SCUBE1: variants seen among roughly 807,000 people sequenced by gnomAD.
SCUBE1 encodes the protein signal peptide, CUB and EGF-like domain-containing protein 1.
SCUBE1 carries 59 observed loss-of-function variants against 124.4 expected under a neutral mutation model. The observed-to-expected ratio is 0.47, with a 90% confidence interval of 0.38 to 0.59. SCUBE1 has a LOEUF of 0.59. Among genes scored for constraint, SCUBE1 ranks in the 20% least tolerant of loss-of-function variants. The pLI is 0.00. For missense variants in SCUBE1, 1,150 were observed against 1,371.2 expected, an observed-to-expected ratio of 0.84 and a Z score of 2.55; for synonymous variants, 545 against 550.9, an observed-to-expected ratio of 0.99 and a Z score of 0.15.
At chr22:43,244,418 G>A (rs561913028) in intron 6 of SCUBE1, among the ~76,000 whole-genome samples, 1 of 152,370 alleles carries the variant, frequency 6.6e-6, no homozygotes, top group South Asian at 2.1e-4. Context: ...CTAATGAGTT[G>A]TGCTCAATGA....
At position 43,306,532 on chromosome 22, in the gene SCUBE1, G is replaced by A. The variant is rs535528812; in HGVS notation, c.349+13405C>T. On this transcript the variant is annotated intron_variant, in intron 3 of 21. Coordinates refer to ENST00000360835, the MANE Select transcript of SCUBE1 (RefSeq NM_173050.5). ...AACAGATTTCAATCCAGTGGAGGGAGGATGGGATCACGAACACACACTCCT... is the reference window on the plus strand; with the variant it reads ...AACAGATTTCAATCCAGTGGAGGGAAGATGGGATCACGAACACACACTCCT... Among the ~76,000 whole-genome samples the A allele has an allele frequency of 2.6e-5, 4 of 152,242 alleles. No homozygotes were observed. The South Asian group carries it at 6.2e-4, about 24-fold the overall frequency.
intron 10 of SCUBE1, among the ~76,000 whole-genome samples, chr22:43,226,271 CTGG>C (rs1406745011): frequency 2.0e-5 from 3 of 152,162 alleles, no homozygotes; most frequent in Non-Finnish European, 4.4e-5. Flanking sequence ...CACATTACTT[CTGG>C]TGGCTGGGAG....
intron 4 of SCUBE1, among the ~76,000 whole-genome samples, chr22:43,284,761 A>G (rs1076946): frequency 0.57 from 85,826 of 151,408 alleles, 24,724 homozygotes; most frequent in African/African-American, 0.61. Context: ...CATCATCGTC[A>G]TCGTCGTCGT....
chr22:43,332,550 C>T (rs1463521194), intron 2 of SCUBE1, among the ~76,000 whole-genome samples: 1 of 152,118 alleles, frequency 6.6e-6, no homozygotes, highest in Non-Finnish European at 1.5e-5. Flanking sequence ...ATGCTGGGAC[C>T]CCTTGGCTGG....
chr22:43,250,554 A>C (rs1466085647), intron 6 of SCUBE1, among the ~76,000 whole-genome samples: 1 of 152,204 alleles, frequency 6.6e-6, no homozygotes, highest in East Asian at 1.9e-4. Flanking sequence ...ATATCGGACA[A>C]GGTGGAGCAG....
chr22:43,205,403 A>T (rs1344337134), intron 21 of SCUBE1, among the ~76,000 whole-genome samples: 1 of 151,956 alleles, frequency 6.6e-6, no homozygotes, highest in Non-Finnish European at 1.5e-5. Flanking sequence ...GGCCTGGCGG[A>T]GGTCTGGTTC....
intron 4 of SCUBE1, among the ~76,000 whole-genome samples, chr22:43,275,779 A>T (rs934263093): frequency 1.3e-5 from 2 of 152,242 alleles, no homozygotes; most frequent in African/African-American, 4.8e-5. Flanking sequence ...AGGGAGAACA[A>T]CAGGCAGATG....
At chr22:43,268,856 T>C (rs1924178246) in intron 4 of SCUBE1, among the ~76,000 whole-genome samples, 2 of 152,006 alleles carry the variant, frequency 1.3e-5, no homozygotes, top group African/African-American at 2.4e-5. Context: ...GGAGGCTGTG[T>C]GGAATATGCC....
At chr22:43,260,827 G>A (rs374091395) in intron 5 of SCUBE1, among the ~76,000 whole-genome samples, 1 of 152,164 alleles carries the variant, frequency 6.6e-6, no homozygotes. Context: ...TGAGGGTTGT[G>A]GGGGGTGTCC....
At chr22:43,275,068 G>A (rs988670698) in intron 4 of SCUBE1, among the ~76,000 whole-genome samples, 9 of 152,234 alleles carry the variant, frequency 5.9e-5, no homozygotes, top group Non-Finnish European at 1.2e-4. Context: ...GGGGGCACAG[G>A]AGTCAGGCGC....
intron 2 of SCUBE1, among the ~76,000 whole-genome samples, chr22:43,336,177 G>A (rs866854779): frequency 4.6e-5 from 7 of 152,016 alleles, no homozygotes; most frequent in South Asian, 2.1e-4. Flanking sequence ...TTTTTGGCCC[G>A]CACAACCAAA....
chr22:43,286,272 C>T (rs57314247), intron 4 of SCUBE1, among the ~76,000 whole-genome samples: 4 of 152,368 alleles, frequency 2.6e-5, no homozygotes, highest in South Asian at 2.1e-4. Context: ...CTCAAGGTCA[C>T]GAGATGGTCC....
At position 43,343,324 on chromosome 22, in the gene SCUBE1, G is replaced by C; in HGVS notation, c.-63C>G. The stretch of plus-strand genomic sequence containing the variant: ...GGCGCGGGGACCCGACCGACCGGCC[G>C]CTCCCGCAGGCGCTGCTCGCTGCTC... On this transcript the variant is annotated 5_prime_UTR_variant, in exon 1 of 22. Coordinates refer to ENST00000360835, the MANE Select transcript of SCUBE1 (RefSeq NM_173050.5). The C allele has an allele frequency of 1.3e-6, 1 of 799,888 alleles. No individual in the cohort carries two copies. The highest frequency in any genetic ancestry group is 1.6e-6 in the Non-Finnish European group (1 of 644,150). The allele number at this position is 799,888 out of a possible 1,614,324, so 49.5% of individuals were successfully genotyped here. A position where few individuals can be genotyped will look rare whatever the true frequency, so the allele number is the denominator to read the frequency against.
rs545823011 is a variant in SCUBE1, at chr22:43,334,477, A to C, written c.220+4627T>G. Among the ~76,000 whole-genome samples, 13 of 152,356 alleles carry C rather than the reference A, an allele frequency of 8.5e-5. No homozygotes were observed. The South Asian group carries it at 2.7e-3, about 32-fold the overall frequency. ...TTAGTTCTTTCACATCTTGAACAACACTGTGATCATTGACATCAACATAGT... is the reference window on the plus strand; with the variant it reads ...TTAGTTCTTTCACATCTTGAACAACCCTGTGATCATTGACATCAACATAGT... On this transcript the variant is annotated intron_variant, in intron 2 of 21. Coordinates refer to ENST00000360835, the MANE Select transcript of SCUBE1 (RefSeq NM_173050.5).
At chr22:43,300,628 TAGACCCTTACC>T (rs1925735876) in intron 3 of SCUBE1, among the ~76,000 whole-genome samples, 1 of 152,146 alleles carries the variant, frequency 6.6e-6, no homozygotes, top group Admixed American at 6.5e-5. Flanking sequence ...TCCTGGATAC[TAGACCCTTACC>T]AGATATATGA....
intron 3 of SCUBE1, among the ~76,000 whole-genome samples, chr22:43,295,499 ACCG>A (rs1322678733): frequency 6.6e-6 from 1 of 150,480 alleles, no homozygotes; most frequent in Admixed American, 6.6e-5. Context: ...GGAGCTCACT[ACCG>A]CCAAGGGACC....
intron 4 of SCUBE1, among the ~76,000 whole-genome samples, chr22:43,285,378 C>T (rs1400321566): frequency 1.3e-5 from 2 of 152,220 alleles, no homozygotes; most frequent in Non-Finnish European, 2.9e-5. Flanking sequence ...TCTCTTCCTT[C>T]CCCTCTCTGT....
chr22:43,227,089 T>C (rs1922348514), intron 10 of SCUBE1, among the ~76,000 whole-genome samples: 1 of 152,180 alleles, frequency 6.6e-6, no homozygotes, highest in African/African-American at 2.4e-5. Flanking sequence ...ACGGCTGGGC[T>C]GCACATGGAC....
intron 4 of SCUBE1, among the ~76,000 whole-genome samples, chr22:43,288,804 G>A (rs115931622): frequency 0.014 from 2,066 of 152,324 alleles, 46 homozygotes; most frequent in African/African-American, 0.047. Context: ...CCGGGCAGTG[G>A]CAAAGGTGGA....
Sources: gnomAD v4.1 joint callset for allele counts (sites outside exome capture counted in the v4.1 genomes callset) on GRCh38, gnomAD v4.1.1 for gene constraint, MANE v1.5 for transcripts, NCBI Gene and HGNC (gene_info 2026-07-23, HGNC 2026-07-21) for gene names.